Variants in GRIN1 observed in about 807,000 individuals in gnomAD.
GRIN1 encodes glutamate receptor ionotropic, NMDA 1.
In GRIN1, 38 loss-of-function variants were observed where a neutral mutation model predicts 103.0. The ratio of observed to expected loss-of-function variants is 0.37; its 90% confidence interval spans 0.28 to 0.48. The LOEUF (loss-of-function observed/expected upper bound fraction) is 0.48, where lower values mean the gene tolerates loss of function less well. Ranked by LOEUF, GRIN1 falls within the 20% of genes least tolerant of loss-of-function variation. The pLI is 0.98. For missense variants in GRIN1, 577 were observed against 1,288.9 expected, an observed-to-expected ratio of 0.45 and a Z score of 8.46; for synonymous variants, 544 against 532.7, an observed-to-expected ratio of 1.02 and a Z score of -0.29.
At position 137,162,911 on chromosome 9, in the gene GRIN1, C is replaced by T; in HGVS notation, c.2079C>T (p.Phe693=). 1 of 1,611,058 alleles carries T rather than the reference C, an allele frequency of 6.2e-7. No individual in the cohort carries two copies. ...AGCAGAGCTCCGTGGATATCTACTT[C>T]CGGCGCCAGGTGGAGCTGAGCACCA... ...TVKQSSVDIY[F]RRQVELSTMY... is the part of the protein sequence containing the mutation. The change falls in exon 15 of 20, where the codon TTC becomes TTT. Residue 693 remains phenylalanine, a synonymous_variant. Coordinates refer to ENST00000371561, the MANE Select transcript of GRIN1 (RefSeq NM_007327.4).
chr9:137,141,105 G>C (rs1832138229), intron 1 of GRIN1, among the ~76,000 whole-genome samples: 1 of 152,164 alleles, frequency 6.6e-6, no homozygotes, highest in Non-Finnish European at 1.5e-5. Context: ...TGTGGGCATG[G>C]CCTCTGCAGC....
chr9:137,150,636 C>G (rs1037003560), intron 4 of GRIN1, among the ~76,000 whole-genome samples: 3 of 148,832 alleles, frequency 2.0e-5, no homozygotes, highest in African/African-American at 7.5e-5. Flanking sequence ...AAGCCCCGCC[C>G]AGAAAAAAGA....
intron 4 of GRIN1, among the ~76,000 whole-genome samples, chr9:137,155,334 G>A (rs1005377501): frequency 4.6e-5 from 7 of 152,238 alleles, no homozygotes; most frequent in African/African-American, 9.6e-5. Flanking sequence ...TTCAGTGTGC[G>A]GAGCCTCTGC....
At chr9:137,160,531 G>A (rs184134727) in intron 8 of GRIN1, among the ~76,000 whole-genome samples, 12 of 152,214 alleles carry the variant, frequency 7.9e-5, no homozygotes, top group African/African-American at 1.7e-4. Context: ...CCGGGTTCAC[G>A]CCATTCTCCT....
At chr9:137,150,018 G>T (rs899827978) in intron 4 of GRIN1, among the ~76,000 whole-genome samples, 1 of 152,196 alleles carries the variant, frequency 6.6e-6, no homozygotes, top group Non-Finnish European at 1.5e-5. Flanking sequence ...GCCAGCCAGG[G>T]CTCCTCGGAC....
chr9:137,160,181 G>A (rs1258888564), intron 8 of GRIN1, among the ~76,000 whole-genome samples: 1 of 152,248 alleles, frequency 6.6e-6, no homozygotes, highest in Non-Finnish European at 1.5e-5. Context: ...AGGAGCCAGA[G>A]ACCTACATTC....
intron 1 of GRIN1, among the ~76,000 whole-genome samples, chr9:137,141,747 A>T (rs1832174623): frequency 6.6e-6 from 1 of 152,166 alleles, no homozygotes; most frequent in African/African-American, 2.4e-5. Context: ...TCCCAAGGGC[A>T]GTCCTTCACC....
chr9:137,161,257 G>A (rs1217227362), intron 9 of GRIN1, 32 bp from the exon 10 acceptor site: 1 of 1,611,284 alleles, frequency 6.2e-7, no homozygotes, highest in South Asian at 1.1e-5. Context: ...GGGCGGTCTG[G>A]AGCCCAGCAG....
At chr9:137,160,989 A>T in intron 8 of GRIN1, 67 bp from the exon 9 acceptor site, 1 of 1,606,320 alleles carries the variant, frequency 6.2e-7, no homozygotes, top group Non-Finnish European at 8.5e-7. Context: ...CTGGGAGCTG[A>T]GAAGAGACTG....
chr9:137,165,489 C>G, intron 19 of GRIN1, 193 bp downstream of exon 19: 2 of 627,324 alleles, frequency 3.2e-6, no homozygotes, highest in Non-Finnish European at 5.8e-6. Flanking sequence ...CCCCGGCCCT[C>G]CTGGGTCCTC....
intron 17 of GRIN1, 33 bp from the exon 18 acceptor site, chr9:137,163,726 C>T: frequency 6.2e-7 from 1 of 1,613,690 alleles, no homozygotes; most frequent in Non-Finnish European, 8.5e-7. Context: ...GCCTCCCTGG[C>T]CAGCAACTGA....
rs535333130 is a variant in GRIN1, at chr9:137,162,348, G to A, written c.1752-56G>A. 9.8e-6 allele frequency: 15 copies of A among 1,536,110 alleles called. 1 individual carries two copies. Among genetic ancestry groups the A allele is most frequent in the Non-Finnish European group, 1.2e-5 (14 of 1,141,154 alleles). ...CTGCGGGGCGCGGAGCCGGCCAGGG[G>A]CGGGGCAGGGCCGCCTCTCCCGCCC... On this transcript the variant is annotated intron_variant, in intron 12 of 19. Coordinates refer to ENST00000371561, the MANE Select transcript of GRIN1 (RefSeq NM_007327.4).
Position 137,156,858 on chromosome 9 carries a change from C to T in GRIN1, c.794-5C>T. 1 of 1,610,758 alleles carries T rather than the reference C, an allele frequency of 6.2e-7. No individual in the cohort carries two copies. Among genetic ancestry groups the T allele is most frequent in the Non-Finnish European group, 8.5e-7 (1 of 1,179,070 alleles). On this transcript the variant is annotated splice_region_variant and splice_polypyrimidine_tract_variant and intron_variant, in intron 5 of 19. Transcript: ENST00000371561. Reference sequence around the variant, plus strand: ...CCACGGGCTCTGAGTCGCATGCTCGCCTAGGCATCCTCGGGCTGCAGCTCA... The same window carrying T: ...CCACGGGCTCTGAGTCGCATGCTCGTCTAGGCATCCTCGGGCTGCAGCTCA...
intron 19 of GRIN1, among the ~76,000 whole-genome samples, chr9:137,167,028 C>T (rs1184715179): frequency 6.6e-6 from 1 of 152,222 alleles, no homozygotes; most frequent in East Asian, 1.9e-4. Context: ...CTCATGGTGC[C>T]CTCCCAGGGA....
Position 137,162,461 on chromosome 9 carries a change from G to A in GRIN1, c.1809G>A (p.Leu603=). The change falls in exon 13 of 20, where the codon CTG becomes CTA. Residue 603 remains leucine (L), a synonymous_variant. Coordinates refer to ENST00000371561, the MANE Select transcript of GRIN1 (RefSeq NM_007327.4). ...SEEEEEDALT[L]SSAMWFSWGV... ...AGGAGGAGGAGGACGCACTGACCCT[G>A]TCCTCGGCCATGTGGTTCTCCTGGG... 4 of 1,611,456 alleles carry A rather than the reference G, an allele frequency of 2.5e-6. No individual in the cohort carries two copies. Among genetic ancestry groups the A allele is most frequent in the Non-Finnish European group, 3.4e-6 (4 of 1,179,816 alleles).
chr9:137,149,997 C>T (rs1271930071), intron 4 of GRIN1, among the ~76,000 whole-genome samples: 1 of 152,198 alleles, frequency 6.6e-6, no homozygotes. Flanking sequence ...CAGGGCAGAA[C>T]GCAGGGTGGG....
chr9:137,157,838 ACAGACT>A (rs1833318945), intron 6 of GRIN1, among the ~76,000 whole-genome samples: 1 of 152,248 alleles, frequency 6.6e-6, no homozygotes, highest in Admixed American at 6.5e-5. Flanking sequence ...ATGTGTGCAC[ACAGACT>A]CAGGCACATG....
chr9:137,159,043 G>A (rs978366003), intron 8 of GRIN1, among the ~76,000 whole-genome samples: 3 of 152,146 alleles, frequency 2.0e-5, no homozygotes, highest in African/African-American at 4.8e-5. Flanking sequence ...AGCACTCGCT[G>A]TCCCCAGTCC....
At chr9:137,162,111 G>C (rs1463492716) in intron 11 of GRIN1, 23 bp downstream of exon 11, 3 of 1,528,156 alleles carry the variant, frequency 2.0e-6, no homozygotes, top group African/African-American at 2.8e-5. Flanking sequence ...CGGGTGGCGG[G>C]GTGGCGGCGG....
Sources: allele counts gnomAD v4.1 joint callset (sites outside exome capture counted in the v4.1 genomes callset), GRCh38; gene constraint gnomAD v4.1.1; transcripts MANE v1.5; gene names NCBI Gene and HGNC (gene_info 2026-07-23, HGNC 2026-07-21).